The following FOXN1 variants were observed in gnomAD, a reference collection of about 807,000 sequenced individuals.
FOXN1 encodes the protein forkhead box N1, also known as forkhead box protein N1.
FOXN1 carries 15 observed loss-of-function variants against 49.0 expected under a neutral mutation model. That is an observed-to-expected ratio of 0.31 (90% CI 0.20 to 0.47). The LOEUF (loss-of-function observed/expected upper bound fraction) is 0.47. FOXN1 is among the 20% of genes least tolerant of loss of function. The pLI, the probability that FOXN1 is intolerant of heterozygous loss-of-function variation, is 1.00. For missense variants in FOXN1, 800 were observed against 842.8 expected (o/e 0.95, Z 0.63); for synonymous variants, 356 against 369.0 (o/e 0.96, Z 0.40).
At chr17:28,522,293 A>G (rs1010384819) in intron 1 of FOXN1, among the ~76,000 whole-genome samples, 1 of 152,232 alleles carries the variant, frequency 6.6e-6, no homozygotes, top group Non-Finnish European at 1.5e-5. Flanking sequence ...TTGGGCAAAG[A>G]GAAGTACATT....
chr17:28,530,994 A>G, intron 6 of FOXN1, 149 bp downstream of exon 6: 2 of 662,268 alleles, frequency 3.0e-6, no homozygotes, highest in South Asian at 3.3e-5. Flanking sequence ...CGTTGTCTCC[A>G]CCTCAGAAGG....
At chr17:28,531,556 T>C (rs1238190642) in intron 6 of FOXN1, among the ~76,000 whole-genome samples, 1 of 152,146 alleles carries the variant, frequency 6.6e-6, no homozygotes, top group Admixed American at 6.5e-5. Context: ...GCACAGTAGA[T>C]GGGATCAGTT....
intron 3 of FOXN1, among the ~76,000 whole-genome samples, chr17:28,525,803 G>A (rs148735195): frequency 3.3e-5 from 5 of 152,108 alleles, no homozygotes; most frequent in African/African-American, 7.2e-5. Context: ...TGGAGAAGGC[G>A]GTTGGGTCCT....
intron 1 of FOXN1, among the ~76,000 whole-genome samples, chr17:28,522,085 C>T (rs984043677): frequency 1.3e-5 from 2 of 152,228 alleles, no homozygotes; most frequent in African/African-American, 2.4e-5. Context: ...TCGGACAGAC[C>T]AGAGTTCTTG....
At chr17:28,523,100 A>G (rs2069674952) in intron 1 of FOXN1, among the ~76,000 whole-genome samples, 2 of 152,116 alleles carry the variant, frequency 1.3e-5, no homozygotes, top group Admixed American at 6.5e-5. Flanking sequence ...TAACCACCCC[A>G]CTGTGTTAGG....
intron 6 of FOXN1, among the ~76,000 whole-genome samples, chr17:28,533,098 T>C (rs2069953020): frequency 6.6e-6 from 1 of 151,908 alleles, no homozygotes. Flanking sequence ...CCACTTGGAG[T>C]GACGCTGGCA....
At chr17:28,527,771 A>G (rs975551715) in intron 4 of FOXN1, among the ~76,000 whole-genome samples, 6 of 152,188 alleles carry the variant, frequency 3.9e-5, no homozygotes, top group African/African-American at 1.4e-4. Flanking sequence ...CCATCTTGCT[A>G]TGTGACCTTG....
At chr17:28,527,702 T>G (rs1486784002) in intron 4 of FOXN1, among the ~76,000 whole-genome samples, 1 of 151,680 alleles carries the variant, frequency 6.6e-6, no homozygotes. Flanking sequence ...CAAAGAGGAG[T>G]GTGGTGTGAA....
intron 1 of FOXN1, among the ~76,000 whole-genome samples, chr17:28,513,079 G>A (rs1191827694): frequency 6.6e-6 from 1 of 152,118 alleles, no homozygotes; most frequent in African/African-American, 2.4e-5. Context: ...CCCCAGCTTG[G>A]CCAACATGGC....
intron 6 of FOXN1, among the ~76,000 whole-genome samples, chr17:28,533,486 C>A (rs2069965930): frequency 1.7e-5 from 1 of 58,898 alleles, no homozygotes; most frequent in Non-Finnish European, 3.1e-5. Flanking sequence ...GGCACGAGCA[C>A]CCCCCCCCAC....
At chr17:28,526,091 C>T (rs2151488817) in intron 3 of FOXN1, among the ~76,000 whole-genome samples, 1 of 152,328 alleles carries the variant, frequency 6.6e-6, no homozygotes, top group South Asian at 2.1e-4. Context: ...CAGGGTGTCT[C>T]CTAACCTGCA....
chr17:28,516,733 C>G (rs2069513358), intron 1 of FOXN1, among the ~76,000 whole-genome samples: 1 of 146,598 alleles, frequency 6.8e-6, no homozygotes, highest in Non-Finnish European at 1.5e-5. Flanking sequence ...CACACCTCCA[C>G]AGGGTACACA....
intron 6 of FOXN1, 43 bp downstream of exon 6, chr17:28,530,888 G>A (rs968574119): frequency 4.6e-6 from 5 of 1,084,828 alleles, no homozygotes; most frequent in Admixed American, 3.4e-5. Flanking sequence ...CCCAAGTCCT[G>A]GACAGGCCAG....
rs1213715252 is a variant in FOXN1, at chr17:28,524,512, G to A, written c.133G>A (p.Gly45Ser). 1.9e-6 allele frequency: 3 copies of A among 1,613,680 alleles called. No homozygotes were observed. The highest frequency in any genetic ancestry group is 2.2e-5 in the East Asian group (1 of 44,878). The change falls in exon 3 of 9, where the codon GGC (glycine) becomes AGC (serine). Residue 45 changes from glycine to serine, a missense_variant. By Grantham distance (56) the Gly-to-Ser change is moderately conservative. Around this residue, in one of 3 missense-constraint regions of FOXN1, gnomAD observed 383 missense variants for 357.9 expected, o/e 1.07. Transcript: ENST00000579795. ...CTCTCTGTCTACCCAGAAGCATGCC[G>A]GCTTCAGCTGCTCGTCATTTGTGTC... ...GSPAPQSKHA[G>S]FSCSSFVSDG...
rs548499213 is a variant in FOXN1 at position 28,524,931 on chromosome 17, C to T, written c.552C>T (p.Leu184=). The change falls in exon 3 of 9, where the codon CTC becomes CTT. Residue 184 remains leucine (L), a synonymous_variant. Coordinates refer to ENST00000579795, the MANE Select transcript of FOXN1 (RefSeq NM_001369369.1). Reference sequence around the variant, plus strand: ...CAGCAGAGGCCTGGTGTAACGGGCTCCCCTACCCCAGCCAGGAGCATGGCC... The same window carrying T: ...CAGCAGAGGCCTGGTGTAACGGGCTTCCCTACCCCAGCCAGGAGCATGGCC... ...GFSAEAWCNG[L]PYPSQEHGPQ... 11 of 1,612,358 alleles carry T rather than the reference C, an allele frequency of 6.8e-6. No individual in the cohort carries two copies. The African/African-American group carries it at 1.3e-4, about 20-fold the overall frequency.
In FOXN1 at chr17:28,538,476, A is replaced by G. The variant is rs1014776187; in HGVS notation, c.*1040A>G. The stretch of plus-strand genomic sequence containing the variant: ...TGTAAATTGAAACCACCGAAAGTCA[A>G]AAACCACTTTCGACTTACGATGTTT... On this transcript the variant is annotated 3_prime_UTR_variant, in exon 9 of 9. Coordinates refer to ENST00000579795, the MANE Select transcript of FOXN1 (RefSeq NM_001369369.1). The G allele has an allele frequency of 6.6e-6, 1 of 152,238 alleles. No individual in the cohort carries two copies. The highest frequency in any genetic ancestry group is 2.4e-5 in the African/African-American group (1 of 41,460). The allele number at this position is 152,238 out of a possible 1,614,324, so 9.4% of individuals were successfully genotyped here.
At chr17:28,514,959 A>G (rs1396423616) in intron 1 of FOXN1, among the ~76,000 whole-genome samples, 2 of 152,150 alleles carry the variant, frequency 1.3e-5, no homozygotes, top group Admixed American at 1.3e-4. Context: ...GTAATGGTTC[A>G]GCATGCTGGC....
chr17:28,521,243 A>G (rs1233305334), intron 1 of FOXN1, among the ~76,000 whole-genome samples: 3 of 152,124 alleles, frequency 2.0e-5, no homozygotes, highest in Admixed American at 6.5e-5. Flanking sequence ...TTGACTCCAA[A>G]TCCTTGCTCT....
intron 4 of FOXN1, among the ~76,000 whole-genome samples, chr17:28,528,819 C>G (rs972861946): frequency 6.6e-6 from 1 of 152,222 alleles, no homozygotes; most frequent in Non-Finnish European, 1.5e-5. Flanking sequence ...ACTCTCCCTG[C>G]AGGGTCCCGT....
Sources: gnomAD v4.1 joint callset for allele counts (sites outside exome capture counted in the v4.1 genomes callset) on GRCh38, gnomAD v4.1.1 for gene constraint, gnomAD v4.1.1 regional missense constraint, MANE v1.5 for transcripts, NCBI Gene and HGNC (gene_info 2026-07-23, HGNC 2026-07-21) for gene names.